NAV2: variants seen among roughly 807,000 people sequenced by gnomAD.
The protein encoded by NAV2 is helicase, APC down-regulated 1.
NAV2 carries 54 observed loss-of-function variants against 223.2 expected under a neutral mutation model. The ratio of observed to expected loss-of-function variants is 0.24; its 90% confidence interval spans 0.19 to 0.30. The LOEUF is 0.30. Ranked by LOEUF, NAV2 falls within the 10% of genes least tolerant of loss-of-function variation. NAV2 has a pLI of 1.00. For synonymous variants in NAV2, 1,279 were observed against 1,239.3 expected (o/e 1.03, Z -0.67); for missense variants, 2,806 against 3,147.5 (o/e 0.89, Z 2.60).
chr11:20,110,548 G>T (rs1156750274), intron 36 of NAV2, among the ~76,000 whole-genome samples: 5 of 152,224 alleles, frequency 3.3e-5, no homozygotes, highest in Middle Eastern at 6.8e-3. Flanking sequence ...CACTCAGCAG[G>T]GTATGGTGGA....
At chr11:19,530,052 T>C (rs770498269) in intron 1 of NAV2, among the ~76,000 whole-genome samples, 1 of 152,144 alleles carries the variant, frequency 6.6e-6, no homozygotes, top group African/African-American at 2.4e-5. Flanking sequence ...CAAAGCACAC[T>C]GGTGGCAGCT....
intron 1 of NAV2, among the ~76,000 whole-genome samples, chr11:19,437,677 A>G (rs915652168): frequency 6.6e-6 from 1 of 151,828 alleles, no homozygotes; most frequent in African/African-American, 2.4e-5. Context: ...ACCATTGGTT[A>G]TAACATTCAC....
chr11:19,989,403 C>T (rs2051112000), intron 11 of NAV2, among the ~76,000 whole-genome samples: 1 of 152,156 alleles, frequency 6.6e-6, no homozygotes, highest in Non-Finnish European at 1.5e-5. Context: ...GCCATAGGAA[C>T]AGATGCTCCT....
rs10500866 is a variant in NAV2, at chr11:19,998,111, C to T, written c.2768+13864C>T. Among the ~76,000 whole-genome samples the T allele has an allele frequency of 0.14, 21,734 of 150,550 alleles. 1,819 individuals are homozygous for T. The highest frequency in any genetic ancestry group is 0.34 in the East Asian group (1,775 of 5,150). On this transcript the variant is annotated intron_variant, in intron 11 of 37. Coordinates refer to ENST00000349880, the MANE Select transcript of NAV2 (RefSeq NM_145117.5). This position sits in a 1 kb window ranked among gnomAD's most constrained non-coding sequence, Gnocchi z 5.0. ...AGAGCTGGGCATATACAGTAGGAGA[C>T]GTTTGCTATATTTTAGGTAATTAAT...
At chr11:19,663,595 A>G (rs1201839701) in intron 1 of NAV2, among the ~76,000 whole-genome samples, 1 of 152,116 alleles carries the variant, frequency 6.6e-6, no homozygotes, top group Non-Finnish European at 1.5e-5. Context: ...ACCCAGCCTC[A>G]CACCATCCTA....
intron 11 of NAV2, among the ~76,000 whole-genome samples, chr11:20,034,929 G>A (rs2056204387): frequency 1.3e-5 from 2 of 152,168 alleles, no homozygotes; most frequent in Admixed American, 6.5e-5. Flanking sequence ...AGGAACAGAA[G>A]TGCATGTGAT....
At chr11:19,837,762 A>G (rs1409464086) in intron 2 of NAV2, among the ~76,000 whole-genome samples, 1 of 152,352 alleles carries the variant, frequency 6.6e-6, no homozygotes, top group Non-Finnish European at 1.5e-5. Context: ...GAAGGAGACT[A>G]AAGAGATGTG....
chr11:20,043,787 T>C (rs2057179065), intron 12 of NAV2, 194 bp from the exon 13 acceptor site: 1 of 570,670 alleles, frequency 1.8e-6, no homozygotes, highest in Non-Finnish European at 3.1e-6. Context: ...TTATTTACTT[T>C]TTTATTTTTT....
intron 1 of NAV2, among the ~76,000 whole-genome samples, chr11:19,394,657 T>G (rs1327836838): frequency 6.6e-6 from 1 of 151,964 alleles, no homozygotes; most frequent in African/African-American, 2.4e-5. Context: ...GGCAAGAAGG[T>G]GAGATAAAAC....
chr11:20,043,814 AT>A, intron 12 of NAV2, 166 bp from the exon 13 acceptor site: 1 of 581,790 alleles, frequency 1.7e-6, no homozygotes, highest in Non-Finnish European at 3.0e-6. Flanking sequence ...AAAAAAAAAA[AT>A]CAGTCTTTCT....
intron 6 of NAV2, among the ~76,000 whole-genome samples, chr11:19,899,232 T>C (rs1473084998): frequency 6.6e-6 from 1 of 152,222 alleles, no homozygotes; most frequent in Non-Finnish European, 1.5e-5. Flanking sequence ...GAGCCAGACA[T>C]GGCTCGAGAC....
chr11:19,780,723 G>T (rs1227710702), intron 1 of NAV2, among the ~76,000 whole-genome samples: 1 of 152,232 alleles, frequency 6.6e-6, no homozygotes, highest in African/African-American at 2.4e-5. Flanking sequence ...TCAGCGTTCT[G>T]CAATTAGTTG....
chr11:20,033,281 C>T (rs1404211821), intron 11 of NAV2, among the ~76,000 whole-genome samples: 2 of 152,216 alleles, frequency 1.3e-5, no homozygotes, highest in African/African-American at 4.8e-5. Context: ...AATGCCTGAT[C>T]ATGATAAGCA....
intron 1 of NAV2, among the ~76,000 whole-genome samples, chr11:19,402,436 T>C (rs1849726139): frequency 1.3e-5 from 2 of 152,250 alleles, no homozygotes; most frequent in African/African-American, 4.8e-5. Flanking sequence ...TATCACTATG[T>C]GTCTAGAGCA....
intron 10 of NAV2, among the ~76,000 whole-genome samples, chr11:19,965,469 A>G (rs1285204084): frequency 6.6e-6 from 1 of 151,910 alleles, no homozygotes; most frequent in African/African-American, 2.4e-5. Flanking sequence ...ACTGAATTTG[A>G]TGGATTCCAT....
At chr11:19,908,951 G>A (rs1354479924) in intron 6 of NAV2, among the ~76,000 whole-genome samples, 1 of 152,124 alleles carries the variant, frequency 6.6e-6, no homozygotes, top group Non-Finnish European at 1.5e-5. Flanking sequence ...GATGGTTGGA[G>A]AACTTCATGA....
At chr11:19,904,540 G>A (rs901675808) in intron 6 of NAV2, among the ~76,000 whole-genome samples, 4 of 152,144 alleles carry the variant, frequency 2.6e-5, no homozygotes, top group Admixed American at 2.0e-4. Flanking sequence ...TTGTGCCCAT[G>A]ATCCCCATTC....
intron 1 of NAV2, among the ~76,000 whole-genome samples, chr11:19,772,525 G>T (rs577257933): frequency 6.6e-6 from 1 of 152,304 alleles, no homozygotes; most frequent in East Asian, 1.9e-4. Context: ...CTATGGCTAG[G>T]GTTTTCATGC....
chr11:19,457,942 A>G (rs2133837105), intron 1 of NAV2, among the ~76,000 whole-genome samples: 1 of 152,318 alleles, frequency 6.6e-6, no homozygotes, highest in South Asian at 2.1e-4. Flanking sequence ...GGAATAGGGC[A>G]CAAGGAGTTA....
Sources: gnomAD v4.1 joint callset for allele counts (sites outside exome capture counted in the v4.1 genomes callset) on GRCh38, gnomAD v4.1.1 for gene constraint, Gnocchi (gnomAD v3.1) non-coding constraint, MANE v1.5 for transcripts, NCBI Gene and HGNC (gene_info 2026-07-23, HGNC 2026-07-21) for gene names.